Variants in DPP10 observed in about 807,000 individuals in gnomAD.
DPP10 encodes inactive dipeptidyl peptidase 10.
A neutral mutation model predicts 120.9 loss-of-function variants in DPP10; 33 were observed. That is an observed-to-expected ratio of 0.27 (90% confidence interval 0.21 to 0.37). The LOEUF (loss-of-function observed/expected upper bound fraction) is 0.37, where lower values mean the gene tolerates loss of function less well. DPP10 is among the 10% of genes least tolerant of loss of function. The probability of loss-of-function intolerance (pLI) is 1.00; values close to 1 mark genes in which losing one functional copy is unlikely to be tolerated. For synonymous variants in DPP10, 337 were observed against 326.1 expected, an observed-to-expected ratio of 1.03 and a Z score of -0.36; for missense variants, 816 against 942.8, an observed-to-expected ratio of 0.87 and a Z score of 1.76.
chr2:114,783,570 C>T (rs572787840), intron 1 of DPP10, among the ~76,000 whole-genome samples: 6 of 152,050 alleles, frequency 3.9e-5, no homozygotes, highest in Non-Finnish European at 7.4e-5. Flanking sequence ...GGCATGGTGG[C>T]GCACATCTGT....
intron 8 of DPP10, among the ~76,000 whole-genome samples, chr2:115,733,937 A>G (rs554727544): frequency 6.6e-6 from 1 of 152,216 alleles, no homozygotes; most frequent in African/African-American, 2.4e-5. Context: ...AATATAATAT[A>G]ATTAACATTG....
intron 1 of DPP10, among the ~76,000 whole-genome samples, chr2:114,964,397 A>G (rs1698856211): frequency 6.6e-6 from 1 of 152,148 alleles, no homozygotes; most frequent in Non-Finnish European, 1.5e-5. Context: ...GCTGCAGTAG[A>G]TGGGACTAGT....
chr2:114,481,776 T>A (rs879643212), intron 1 of DPP10, among the ~76,000 whole-genome samples: 2 of 151,238 alleles, frequency 1.3e-5, no homozygotes, highest in Non-Finnish European at 2.9e-5. Context: ...AAGAAGGAGG[T>A]CCAATTGATT....
intron 1 of DPP10, among the ~76,000 whole-genome samples, chr2:114,513,303 A>G (rs978316688): frequency 6.6e-6 from 1 of 152,036 alleles, no homozygotes; most frequent in African/African-American, 2.4e-5. Flanking sequence ...CAGGTGGATC[A>G]TGAGGTCAGG....
chr2:114,734,561 C>T (rs888443477), intron 1 of DPP10, among the ~76,000 whole-genome samples: 2 of 152,118 alleles, frequency 1.3e-5, no homozygotes, highest in African/African-American at 2.4e-5. Context: ...TATATAAAAC[C>T]AAACTGTGCT....
chr2:114,644,490 T>A (rs1425925944), intron 1 of DPP10, among the ~76,000 whole-genome samples: 1 of 151,850 alleles, frequency 6.6e-6, no homozygotes, highest in Non-Finnish European at 1.5e-5. Flanking sequence ...ATAATTTTAC[T>A]CCCTATGTCA....
intron 5 of DPP10, among the ~76,000 whole-genome samples, chr2:115,585,743 T>C (rs2082250826): frequency 6.6e-6 from 1 of 152,178 alleles, no homozygotes; most frequent in South Asian, 2.1e-4. Flanking sequence ...ATTTCTAGTT[T>C]AGTGATTTTT....
intron 7 of DPP10, among the ~76,000 whole-genome samples, chr2:115,726,431 T>C (rs2092766869): frequency 1.3e-5 from 2 of 152,092 alleles, no homozygotes; most frequent in South Asian, 4.1e-4. Flanking sequence ...ATCTGTAAGG[T>C]ATGTGTGAGC....
chr2:114,632,484 G>A (rs115854355), intron 1 of DPP10, among the ~76,000 whole-genome samples: 3,025 of 133,578 alleles, frequency 0.023, 105 homozygotes, highest in African/African-American at 0.078. Context: ...GAGCATAACT[G>A]TGTAACTATG....
rs187112856 is a variant in DPP10 at position 115,210,265 on chromosome 2, G to C, written c.61-98974G>C. ...AGTTCTCACCTATGAGTGAGAACAT[G>C]TGGTGTTTGGTTTTCTGTCCTTGTG... On this transcript the variant is annotated intron_variant, in intron 1 of 25. Transcript: ENST00000410059. Among the ~76,000 whole-genome samples the C allele has an allele frequency of 1.5e-3, 226 of 152,242 alleles. 2 individuals carry two copies. The highest frequency in any genetic ancestry group is 5.1e-3 in the African/African-American group (213 of 41,556).
intron 1 of DPP10, among the ~76,000 whole-genome samples, chr2:114,936,081 C>A (rs1183807356): frequency 3.3e-5 from 5 of 151,878 alleles, no homozygotes. Flanking sequence ...AATTTTGGTG[C>A]ACCCATCACC....
intron 1 of DPP10, among the ~76,000 whole-genome samples, chr2:114,869,938 G>A (rs1034648551): frequency 1.3e-5 from 2 of 152,116 alleles, no homozygotes; most frequent in East Asian, 1.9e-4. Flanking sequence ...TAAAAGGCTT[G>A]TATTTACCCT....
chr2:115,157,820 T>C (rs1029168190), intron 1 of DPP10, among the ~76,000 whole-genome samples: 5 of 152,214 alleles, frequency 3.3e-5, no homozygotes, highest in African/African-American at 1.2e-4. Flanking sequence ...TCTGTCTTCT[T>C]GATGCTGTGC....
At chr2:115,414,506 A>G (rs2069213717) in intron 3 of DPP10, among the ~76,000 whole-genome samples, 1 of 152,176 alleles carries the variant, frequency 6.6e-6, no homozygotes, top group East Asian at 1.9e-4. Context: ...AGAGAAGTCT[A>G]TTATGTGTTT....
intron 1 of DPP10, among the ~76,000 whole-genome samples, chr2:114,679,286 G>T (rs1392969437): frequency 6.6e-6 from 1 of 152,036 alleles, no homozygotes; most frequent in Non-Finnish European, 1.5e-5. Flanking sequence ...AATGCAGAGA[G>T]TACTTCCAGA....
In DPP10 at chr2:115,744,183, C is replaced by T. The variant is rs141943163; in HGVS notation, c.853-1903C>T. ...AGGTTTCAGGTGGGGTCCATGAATG[C>T]GTTGCTCAGGTTCCAGGAGATGCTG... On this transcript the variant is annotated intron_variant, in intron 9 of 25. Coordinates refer to ENST00000410059, the MANE Select transcript of DPP10 (RefSeq NM_020868.6). Among the ~76,000 whole-genome samples, 44 of 150,412 alleles carry T rather than the reference C, an allele frequency of 2.9e-4. 2 individuals carry two copies. In the East Asian group the frequency reaches 8.5e-3, roughly 29 times the overall value.
At chr2:115,755,175 A>C (rs1275957360) in intron 11 of DPP10, among the ~76,000 whole-genome samples, 1 of 152,128 alleles carries the variant, frequency 6.6e-6, no homozygotes, top group African/African-American at 2.4e-5. Context: ...TTTAAACTGC[A>C]TATAAATGCA....
At chr2:114,515,519 AAT>A (rs1684521933) in intron 1 of DPP10, among the ~76,000 whole-genome samples, 1 of 109,332 alleles carries the variant, frequency 9.1e-6, no homozygotes, top group Admixed American at 8.4e-5. Flanking sequence ...GTAGGTCTCA[AAT>A]AAAGGTGCCT....
At chr2:115,379,149 C>G (rs904254373) in intron 3 of DPP10, among the ~76,000 whole-genome samples, 12 of 152,136 alleles carry the variant, frequency 7.9e-5, no homozygotes, top group African/African-American at 1.7e-4. Context: ...CCTTGTACCT[C>G]TGGTAGAATT....
Sources: gnomAD v4.1 joint callset for allele counts (sites outside exome capture counted in the v4.1 genomes callset) on GRCh38, gnomAD v4.1.1 for gene constraint, MANE v1.5 for transcripts, NCBI Gene and HGNC (gene_info 2026-07-23, HGNC 2026-07-21) for gene names.